The following CNTNAP2 variants were observed in gnomAD, a reference collection of about 807,000 sequenced individuals.
CNTNAP2 encodes the protein contactin-associated protein-like 2.
In CNTNAP2, 98 loss-of-function variants were observed where a neutral mutation model predicts 155.2. That is an observed-to-expected ratio of 0.63 (90% CI 0.54 to 0.75). The LOEUF (loss-of-function observed/expected upper bound fraction) is 0.75, where lower values mean the gene tolerates loss of function less well. Among genes scored for constraint, CNTNAP2 ranks in the 30% least tolerant of loss-of-function variants. The pLI is 0.00. For missense variants in CNTNAP2, 1,727 were observed against 1,688.1 expected (o/e 1.02, Z -0.40); for synonymous variants, 651 against 631.2 (o/e 1.03, Z -0.47).
intron 21 of CNTNAP2, among the ~76,000 whole-genome samples, chr7:148,364,635 G>A (rs1798697270): frequency 6.6e-6 from 1 of 152,146 alleles, no homozygotes; most frequent in African/African-American, 2.4e-5. Context: ...TGGAAACTCT[G>A]TATCTAACTA....
At chr7:146,728,716 A>G (rs1249306135) in intron 1 of CNTNAP2, among the ~76,000 whole-genome samples, 1 of 152,150 alleles carries the variant, frequency 6.6e-6, no homozygotes, top group Non-Finnish European at 1.5e-5. Flanking sequence ...CGAGTTGAAT[A>G]AAATCCTCAG....
intron 8 of CNTNAP2, among the ~76,000 whole-genome samples, chr7:147,292,801 C>T (rs1210244898): frequency 6.6e-6 from 1 of 152,036 alleles, no homozygotes; most frequent in African/African-American, 2.4e-5. Context: ...CAGGGTTTTG[C>T]TCTTATTGAC....
chr7:146,824,000 T>C (rs1803349453), intron 2 of CNTNAP2, among the ~76,000 whole-genome samples: 1 of 148,988 alleles, frequency 6.7e-6, no homozygotes, highest in Non-Finnish European at 1.5e-5. Context: ...AAGCCCCACA[T>C]GCATTAGGTA....
intron 1 of CNTNAP2, among the ~76,000 whole-genome samples, chr7:146,459,346 A>T (rs1796603734): frequency 6.6e-6 from 1 of 152,152 alleles, no homozygotes; most frequent in Non-Finnish European, 1.5e-5. Context: ...CAGTCATGTG[A>T]TATTAGCTCA....
intron 1 of CNTNAP2, among the ~76,000 whole-genome samples, chr7:146,509,553 A>G (rs569138924): frequency 2.6e-5 from 4 of 152,220 alleles, no homozygotes; most frequent in South Asian, 2.1e-4. Context: ...TGGGGCCTCA[A>G]TGACTTCCTG....
At chr7:147,294,914 C>T (rs193253756) in intron 8 of CNTNAP2, among the ~76,000 whole-genome samples, 74 of 152,210 alleles carry the variant, frequency 4.9e-4, no homozygotes, top group Admixed American at 4.2e-3. Context: ...CCCGCCTCGG[C>T]CTCCCATAGT....
intron 9 of CNTNAP2, among the ~76,000 whole-genome samples, chr7:147,330,133 A>G (rs959412752): frequency 2.0e-5 from 3 of 152,090 alleles, no homozygotes; most frequent in African/African-American, 7.2e-5. Context: ...AGAGGGTTGG[A>G]ATCTTTTACC....
At chr7:147,894,465 G>T (rs1799744018) in intron 13 of CNTNAP2, among the ~76,000 whole-genome samples, 1 of 152,082 alleles carries the variant, frequency 6.6e-6, no homozygotes, top group African/African-American at 2.4e-5. Flanking sequence ...CTGCCGGCAG[G>T]GGACACTGGG....
At chr7:147,314,618 A>G (rs1233542776) in intron 9 of CNTNAP2, among the ~76,000 whole-genome samples, 1 of 115,890 alleles carries the variant, frequency 8.6e-6, no homozygotes, top group Non-Finnish European at 1.8e-5. Context: ...TTTCCAGGAG[A>G]AGCTACATGC....
intron 21 of CNTNAP2, among the ~76,000 whole-genome samples, chr7:148,368,303 A>C (rs566076954): frequency 6.6e-6 from 1 of 152,282 alleles, no homozygotes; most frequent in Admixed American, 6.5e-5. Flanking sequence ...GTTAGGTATT[A>C]AGTATAATCT....
chr7:146,992,181 T>C (rs1563035166), intron 3 of CNTNAP2, among the ~76,000 whole-genome samples: 1 of 152,170 alleles, frequency 6.6e-6, no homozygotes, highest in South Asian at 2.1e-4. Context: ...TATATGTGTA[T>C]TGTTATAGTT....
chr7:146,707,089 A>G (rs966244240), intron 1 of CNTNAP2, among the ~76,000 whole-genome samples: 6 of 152,144 alleles, frequency 3.9e-5, no homozygotes, highest in African/African-American at 9.7e-5. Context: ...ACAACATTCA[A>G]TCATTATTCT....
intron 1 of CNTNAP2, among the ~76,000 whole-genome samples, chr7:146,218,177 G>C (rs1277805621): frequency 6.6e-6 from 1 of 152,130 alleles, no homozygotes. Flanking sequence ...ACAAGACCCA[G>C]TCCAGCCAGT....
At chr7:147,873,763 A>G (rs1258109024) in intron 13 of CNTNAP2, among the ~76,000 whole-genome samples, 4 of 152,072 alleles carry the variant, frequency 2.6e-5, no homozygotes, top group Non-Finnish European at 5.9e-5. Context: ...AAAGTCCAAA[A>G]TCTCATCCGA....
At chr7:147,964,308 G>A (rs1303062588) in intron 14 of CNTNAP2, among the ~76,000 whole-genome samples, 7 of 152,154 alleles carry the variant, frequency 4.6e-5, no homozygotes, top group African/African-American at 1.7e-4. Flanking sequence ...CCGATCCATG[G>A]TGTCTCAATA....
At chr7:147,328,647 C>G (rs1379795523) in intron 9 of CNTNAP2, among the ~76,000 whole-genome samples, 2 of 152,212 alleles carry the variant, frequency 1.3e-5, no homozygotes, top group Admixed American at 6.5e-5. Context: ...AAGAATAATT[C>G]CAGAACTAAT....
chr7:147,477,925 A>G (rs1403281787), intron 10 of CNTNAP2, among the ~76,000 whole-genome samples: 1 of 152,248 alleles, frequency 6.6e-6, no homozygotes, highest in Non-Finnish European at 1.5e-5. Context: ...AATAATTAAT[A>G]CATTTTGCAA....
chr7:146,317,608 A>G (rs546748720), intron 1 of CNTNAP2, among the ~76,000 whole-genome samples: 257 of 152,334 alleles, frequency 1.7e-3, no homozygotes, highest in Non-Finnish European at 3.0e-3. Context: ...TTTCTAAAAT[A>G]GGAGGTTTCT....
rs118159257 is a variant in CNTNAP2, at chr7:148,252,702, C to T, written c.3382-14331C>T. On this transcript the variant is annotated intron_variant, in intron 20 of 23. Coordinates refer to ENST00000361727, the MANE Select transcript of CNTNAP2 (RefSeq NM_014141.6). The stretch of plus-strand genomic sequence containing the variant: ...TATAGAGGCTTCTCATAGCCCTTCA[C>T]GCCAGGCAGTGCCAGTCTTTCTGCT... 4.7e-3 allele frequency among the ~76,000 whole-genome samples: 716 copies of T among 152,266 alleles called. 4 individuals carry two copies. The highest frequency in any genetic ancestry group is 0.016 in the African/African-American group (661 of 41,544).
Sources: allele counts gnomAD v4.1 joint callset (sites outside exome capture counted in the v4.1 genomes callset), GRCh38; gene constraint gnomAD v4.1.1; transcripts MANE v1.5; gene names NCBI Gene and HGNC (gene_info 2026-07-23, HGNC 2026-07-21).